The following ERBB4 variants were observed in gnomAD, a reference collection of about 807,000 sequenced individuals.
ERBB4 encodes the protein erb-b2 receptor tyrosine kinase 4, also known as receptor tyrosine-protein kinase erbB-4.
ERBB4 carries 42 observed loss-of-function variants against 158.0 expected under a neutral mutation model. The ratio of observed to expected loss-of-function variants is 0.27; its 90% CI spans 0.21 to 0.34. The LOEUF (loss-of-function observed/expected upper bound fraction) is 0.34. Among genes scored for constraint, ERBB4 ranks in the 10% least tolerant of loss-of-function variants. ERBB4 has a pLI of 1.00. For missense variants in ERBB4, 1,333 were observed against 1,624.1 expected (o/e 0.82, Z 3.08); for synonymous variants, 583 against 558.7 (o/e 1.04, Z -0.61).
chr2:211,592,223 G>A (rs1332826448), intron 19 of ERBB4, among the ~76,000 whole-genome samples: 1 of 152,124 alleles, frequency 6.6e-6, no homozygotes, highest in Non-Finnish European at 1.5e-5. Context: ...ATGAATTCCT[G>A]GGAACTGCGG....
At chr2:211,469,481 A>C (rs2064779051) in intron 20 of ERBB4, among the ~76,000 whole-genome samples, 1 of 152,132 alleles carries the variant, frequency 6.6e-6, no homozygotes, top group South Asian at 2.1e-4. Context: ...ACCATTTCCC[A>C]CAAGCATTTC....
chr2:212,450,811 T>C (rs906462340), intron 1 of ERBB4, among the ~76,000 whole-genome samples: 3 of 147,494 alleles, frequency 2.0e-5, no homozygotes, highest in African/African-American at 7.6e-5. Flanking sequence ...TGCAGGAAGA[T>C]TTCAGCCGAG....
intron 3 of ERBB4, among the ~76,000 whole-genome samples, chr2:211,829,024 T>A (rs2077164034): frequency 6.6e-6 from 1 of 152,168 alleles, no homozygotes; most frequent in South Asian, 2.1e-4. Context: ...CTAATCTTAA[T>A]CTTTGGTTCA....
intron 3 of ERBB4, among the ~76,000 whole-genome samples, chr2:211,848,111 T>A (rs1285337583): frequency 6.6e-6 from 1 of 152,056 alleles, no homozygotes; most frequent in Non-Finnish European, 1.5e-5. Flanking sequence ...TAATTTCCTA[T>A]CTAGGCCTGT....
At chr2:211,685,516 T>C (rs1460552628) in intron 12 of ERBB4, among the ~76,000 whole-genome samples, 1 of 152,230 alleles carries the variant, frequency 6.6e-6, no homozygotes, top group Non-Finnish European at 1.5e-5. Context: ...GCCTTAATTA[T>C]GGCAGCTATG....
chr2:211,741,452 T>TACACACACACACACACAC (rs5838279), intron 5 of ERBB4, among the ~76,000 whole-genome samples: 2 of 143,210 alleles, frequency 1.4e-5, no homozygotes, highest in South Asian at 2.3e-4. Flanking sequence ...TATGTAGTTA[T>TACACACACACACACACAC]ACACACACAC....
intron 1 of ERBB4, among the ~76,000 whole-genome samples, chr2:212,150,999 G>A (rs1298026537): frequency 1.3e-5 from 2 of 151,730 alleles, no homozygotes; most frequent in Non-Finnish European, 2.9e-5. Context: ...TCCATAACTC[G>A]GTACCCACCT....
chr2:211,714,767 C>T (rs982778894), intron 7 of ERBB4, among the ~76,000 whole-genome samples: 1 of 152,152 alleles, frequency 6.6e-6, no homozygotes, highest in Non-Finnish European at 1.5e-5. Context: ...TATAATGTCA[C>T]AATGTCATCA....
intron 2 of ERBB4, among the ~76,000 whole-genome samples, chr2:212,015,093 TATATATATATATATATATA>T (rs2076493597): frequency 1.6e-5 from 1 of 64,164 alleles, no homozygotes; most frequent in African/African-American, 6.9e-5. Flanking sequence ...TATATATATA[TATATATATATATATATATA>T]AAAATTAGCC....
chr2:211,420,731 T>A (rs1200369198), intron 24 of ERBB4, 120 bp from the exon 25 acceptor site: 5 of 904,488 alleles, frequency 5.5e-6, no homozygotes, highest in South Asian at 1.4e-5. Context: ...ACACACATTT[T>A]AAAAAAACAA....
intron 5 of ERBB4, among the ~76,000 whole-genome samples, chr2:211,740,835 C>T (rs2074769114): frequency 6.6e-6 from 1 of 152,014 alleles, no homozygotes; most frequent in East Asian, 1.9e-4. Flanking sequence ...TGGTCTCGAT[C>T]TCCTGACCTG....
rs542928493 is a variant in ERBB4, at chr2:212,124,617, T to C, written c.234+135A>G. On this transcript the variant is annotated intron_variant, in intron 2 of 27. Transcript: ENST00000342788. ...TTTCCTGGGTGCGTTTCGCTATCTC[T>C]TATCTTTTGCCTATAGTCACAGTGC... The C allele has an allele frequency of 9.3e-5, 90 of 963,400 alleles. No homozygotes were observed. The South Asian group carries it at 1.2e-3, about 13-fold the overall frequency. The allele number at this position is 963,400 out of a possible 1,614,324, so 59.7% of individuals were successfully genotyped here. A position where few individuals can be genotyped will look rare whatever the true frequency, so the allele number is the denominator to read the frequency against.
At chr2:211,643,452 T>C (rs1335864258) in intron 16 of ERBB4, among the ~76,000 whole-genome samples, 2 of 152,120 alleles carry the variant, frequency 1.3e-5, no homozygotes, top group Non-Finnish European at 2.9e-5. Flanking sequence ...CCTAAAACTA[T>C]TGGGTGAAGC....
At chr2:212,380,642 A>G (rs1330546880) in intron 1 of ERBB4, among the ~76,000 whole-genome samples, 1 of 150,920 alleles carries the variant, frequency 6.6e-6, no homozygotes, top group Non-Finnish European at 1.5e-5. Flanking sequence ...TATATTAAAT[A>G]TATTTTATTT....
At chr2:212,162,106 TGAA>T (rs766102522) in intron 1 of ERBB4, among the ~76,000 whole-genome samples, 13 of 151,828 alleles carry the variant, frequency 8.6e-5, no homozygotes, top group Non-Finnish European at 1.9e-4. Context: ...CTCAAGAAAG[TGAA>T]ACCTATGTAC....
chr2:211,448,044 C>T (rs1574506815), intron 20 of ERBB4, among the ~76,000 whole-genome samples: 2 of 152,156 alleles, frequency 1.3e-5, no homozygotes, highest in African/African-American at 4.8e-5. Flanking sequence ...ACCATCTCCA[C>T]TTACTGCAAC....
At chr2:212,184,637 T>C (rs544958779) in intron 1 of ERBB4, among the ~76,000 whole-genome samples, 134 of 145,990 alleles carry the variant, frequency 9.2e-4, no homozygotes, top group African/African-American at 3.2e-3. Flanking sequence ...AATGTCTTTG[T>C]GTTCGTTTGT....
At chr2:212,123,368 G>A (rs1419142313) in intron 2 of ERBB4, among the ~76,000 whole-genome samples, 1 of 152,058 alleles carries the variant, frequency 6.6e-6, no homozygotes. Context: ...ACACCACTGC[G>A]CTCCAGCCAG....
rs182937616 is a variant in ERBB4, at chr2:212,010,598, C to T, written c.235-62982G>A. ...AAGATCCCAAGGCAAAGGGCAAAAG[C>T]AGAACTACTGATAAGGGTCTATATT... On this transcript the variant is annotated intron_variant, in intron 2 of 27. Transcript: ENST00000342788. Among the ~76,000 whole-genome samples the T allele has an allele frequency of 7.0e-4, 106 of 152,180 alleles. 1 individual carries two copies. The Middle Eastern group carries it at 0.014, about 20-fold the overall frequency.
Sources: allele counts gnomAD v4.1 joint callset (sites outside exome capture counted in the v4.1 genomes callset), GRCh38; gene constraint gnomAD v4.1.1; transcripts MANE v1.5; gene names NCBI Gene and HGNC (gene_info 2026-07-23, HGNC 2026-07-21).